The following AGPAT5 variants were observed in gnomAD, a reference collection of about 807,000 sequenced individuals.
The protein encoded by AGPAT5 is 1-acyl-sn-glycerol-3-phosphate acyltransferase epsilon.
In AGPAT5, 46 loss-of-function variants were observed where a neutral mutation model predicts 45.6. The ratio of observed to expected loss-of-function variants is 1.01; its 90% CI spans 0.80 to 1.29. The LOEUF is 1.29. Among genes scored for constraint, AGPAT5 ranks in the 50% most tolerant of loss-of-function variants. The pLI is 0.00. For missense variants in AGPAT5, 673 were observed against 450.7 expected (o/e 1.49, Z -4.47); for synonymous variants, 272 against 167.0 (o/e 1.63, Z -4.85).
intron 1 of AGPAT5, among the ~76,000 whole-genome samples, chr8:6,722,367 A>G (rs936656162): frequency 1.6e-4 from 25 of 152,242 alleles, no homozygotes; most frequent in Non-Finnish European, 1.5e-5. Context: ...ATCTCTTTCA[A>G]CAGCATCATC....
intron 1 of AGPAT5, among the ~76,000 whole-genome samples, chr8:6,716,843 AAAC>A (rs1800348089): frequency 1.3e-5 from 2 of 152,188 alleles, no homozygotes; most frequent in Admixed American, 6.5e-5. Flanking sequence ...CAAAACAAAC[AAAC>A]AAACAAAACA....
At chr8:6,747,915 A>C (rs1024596126) in intron 6 of AGPAT5, 87 bp downstream of exon 6, 1 of 1,392,434 alleles carries the variant, frequency 7.2e-7, no homozygotes, top group Non-Finnish European at 9.6e-7. Context: ...AAAGTAGGTT[A>C]AGTGTACTTT....
chr8:6,712,543 G>A (rs944586342), intron 1 of AGPAT5, among the ~76,000 whole-genome samples: 2 of 152,160 alleles, frequency 1.3e-5, no homozygotes, highest in Non-Finnish European at 2.9e-5. Flanking sequence ...AATGCTTAGA[G>A]ACTCAGAGTA....
chr8:6,758,785 T>C lies in AGPAT5; in HGVS notation c.*1397T>C, dbSNP rs1388148786. On this transcript the variant is annotated 3_prime_UTR_variant, in exon 8 of 8. Transcript: ENST00000285518. Reference sequence around the variant, plus strand: ...CTTTCAGTGTGAACTGTTCTATTTTTGTGTTATAATTTAAACTTCGATTTC... The same window carrying C: ...CTTTCAGTGTGAACTGTTCTATTTTCGTGTTATAATTTAAACTTCGATTTC... The C allele has an allele frequency of 1.3e-5, 2 of 152,658 alleles. No homozygotes were observed. Among genetic ancestry groups the C allele is most frequent in the African/African-American group, 4.8e-5 (2 of 41,460 alleles). 9.5% of individuals were successfully genotyped at this position (152,658 alleles called of 1,614,324 possible).
chr8:6,725,729 A>C (rs1563288380), intron 2 of AGPAT5, among the ~76,000 whole-genome samples: 1 of 152,214 alleles, frequency 6.6e-6, no homozygotes, highest in South Asian at 2.1e-4. Flanking sequence ...TACTTCCTAA[A>C]TTGCATTTTT....
chr8:6,735,948 G>C (rs557209198), intron 4 of AGPAT5, among the ~76,000 whole-genome samples: 34 of 145,954 alleles, frequency 2.3e-4, no homozygotes, highest in African/African-American at 8.6e-4. Context: ...TCTGCCTCAC[G>C]GGTTCAAGCA....
intron 1 of AGPAT5, among the ~76,000 whole-genome samples, chr8:6,719,822 T>C (rs1563284793): frequency 6.6e-6 from 1 of 152,204 alleles, no homozygotes. Context: ...GATAATCATG[T>C]TCTAATCCGA....
chr8:6,722,024 A>T (rs1282696133), intron 1 of AGPAT5, among the ~76,000 whole-genome samples: 1 of 152,046 alleles, frequency 6.6e-6, no homozygotes, highest in Non-Finnish European at 1.5e-5. Context: ...TTTTTAACAA[A>T]GGCTGATAAA....
At chr8:6,745,489 C>G (rs534407247) in intron 5 of AGPAT5, among the ~76,000 whole-genome samples, 1 of 152,328 alleles carries the variant, frequency 6.6e-6, no homozygotes, top group Non-Finnish European at 1.5e-5. Flanking sequence ...TGTCAGTTGT[C>G]ATATTTGTTA....
chr8:6,759,805 A>C lies in AGPAT5; in HGVS notation c.*2417A>C, dbSNP rs1801970726. 1.3e-5 allele frequency: 2 copies of C among 152,228 alleles called. No individual in the cohort carries two copies. The highest frequency in any genetic ancestry group is 1.3e-4 in the Admixed American group (2 of 15,280). The allele number at this position is 152,228 out of a possible 1,614,324, so 9.4% of individuals were successfully genotyped here. A position where few individuals can be genotyped will look rare whatever the true frequency, so the allele number is the denominator to read the frequency against. On this transcript the variant is annotated 3_prime_UTR_variant, in exon 8 of 8. Transcript: ENST00000285518. ...AGCAAAGTTTTAAAAAAATACACTA[A>C]AATAATCAAAACTGTTAAGCAGTAT...
At chr8:6,744,145 A>G (rs1216657088) in intron 5 of AGPAT5, among the ~76,000 whole-genome samples, 1 of 152,194 alleles carries the variant, frequency 6.6e-6, no homozygotes, top group Non-Finnish European at 1.5e-5. Flanking sequence ...GTGCTTCATA[A>G]TTAGAAAAGA....
chr8:6,729,430 A>C (rs2116892934), intron 2 of AGPAT5, among the ~76,000 whole-genome samples: 1 of 151,298 alleles, frequency 6.6e-6, no homozygotes, highest in African/African-American at 2.4e-5. Flanking sequence ...TGATGATAGA[A>C]TTATTCTTTT....
chr8:6,728,812 C>G (rs1800772937), intron 2 of AGPAT5, among the ~76,000 whole-genome samples: 1 of 152,164 alleles, frequency 6.6e-6, no homozygotes, highest in Admixed American at 6.5e-5. Context: ...TATATGGTTT[C>G]TAAGACATGA....
chr8:6,741,288 G>A (rs1801237313), intron 4 of AGPAT5, among the ~76,000 whole-genome samples: 1 of 152,000 alleles, frequency 6.6e-6, no homozygotes, highest in South Asian at 2.1e-4. Context: ...TCTAAAATTT[G>A]TATTTCTAAA....
chr8:6,747,886 A>C lies in AGPAT5; in HGVS notation c.745+58A>C, dbSNP rs534481318. 20 of 1,496,356 alleles carry C rather than the reference A, an allele frequency of 1.3e-5. No homozygotes were observed. In the East Asian group the frequency reaches 4.7e-4, roughly 35 times the overall value. The allele number at this position is 1,496,356 out of a possible 1,614,324, so 92.7% of individuals were successfully genotyped here. ...CACGGTATATACAGTGCACATGTTT[A>C]TGTAGAATTCAGTTTTACAAAGTAG... is the stretch of plus-strand genomic sequence containing the variant. On this transcript the variant is annotated intron_variant, in intron 6 of 7. Transcript: ENST00000285518.
chr8:6,717,623 G>A (rs1185239091), intron 1 of AGPAT5, among the ~76,000 whole-genome samples: 1 of 152,234 alleles, frequency 6.6e-6, no homozygotes, highest in Non-Finnish European at 1.5e-5. Context: ...ATACAACTGT[G>A]TCCAAATGAA....
At chr8:6,736,121 G>A (rs774617178) in intron 4 of AGPAT5, among the ~76,000 whole-genome samples, 1 of 152,016 alleles carries the variant, frequency 6.6e-6, no homozygotes, top group Non-Finnish European at 1.5e-5. Flanking sequence ...CACAGTGCTG[G>A]GATTATAGGT....
At chr8:6,713,900 G>T (rs745532145) in intron 1 of AGPAT5, among the ~76,000 whole-genome samples, 1 of 152,162 alleles carries the variant, frequency 6.6e-6, no homozygotes, top group Non-Finnish European at 1.5e-5. Flanking sequence ...TTTATCTAGA[G>T]AACATTTATA....
chr8:6,744,801 C>G (rs1273932178), intron 5 of AGPAT5, among the ~76,000 whole-genome samples: 7 of 152,210 alleles, frequency 4.6e-5, no homozygotes, highest in Non-Finnish European at 1.0e-4. Context: ...TTGTCTGCCC[C>G]AGCCCCGGGG....
Sources: gnomAD v4.1 joint callset for allele counts (sites outside exome capture counted in the v4.1 genomes callset) on GRCh38, gnomAD v4.1.1 for gene constraint, MANE v1.5 for transcripts, NCBI Gene and HGNC (gene_info 2026-07-23, HGNC 2026-07-21) for gene names.